ROBO2: variants seen among roughly 807,000 people sequenced by gnomAD.
ROBO2 encodes roundabout homolog 2.
In ROBO2, 53 loss-of-function variants were observed where a neutral mutation model predicts 160.8. The ratio of observed to expected loss-of-function variants is 0.33; its 90% CI spans 0.26 to 0.41. ROBO2 has a LOEUF of 0.41. Among genes scored for constraint, ROBO2 ranks in the 10% least tolerant of loss-of-function variants. The pLI, the probability that ROBO2 is intolerant of heterozygous loss-of-function variation, is 1.00. For missense variants in ROBO2, 1,577 were observed against 1,722.4 expected, an observed-to-expected ratio of 0.92 and a Z score of 1.49; for synonymous variants, 664 against 611.7, an observed-to-expected ratio of 1.09 and a Z score of -1.26.
At chr3:76,275,671 A>G in intron 2 of ROBO2, among the ~76,000 whole-genome samples, 1 of 152,174 alleles carries the variant, frequency 6.6e-6, no homozygotes, top group East Asian at 1.9e-4. Flanking sequence ...AGTACATACA[A>G]TTGAATGTTA....
chr3:77,406,593 T>C (rs928091466), intron 2 of ROBO2, among the ~76,000 whole-genome samples: 2 of 152,224 alleles, frequency 1.3e-5, no homozygotes, highest in Non-Finnish European at 2.9e-5. Context: ...TACTTATTAA[T>C]TGGATGCTAA....
chr3:77,126,713 T>TA (rs564861880), intron 2 of ROBO2, among the ~76,000 whole-genome samples: 1,587 of 138,508 alleles, frequency 0.011, 30 homozygotes, highest in African/African-American at 0.047. Flanking sequence ...TATATATATA[T>TA]TTTTTTTCCT....
chr3:76,319,272 A>G (rs1172605895), intron 2 of ROBO2, among the ~76,000 whole-genome samples: 5 of 152,112 alleles, frequency 3.3e-5, no homozygotes, highest in East Asian at 3.9e-4. Flanking sequence ...CTTAAAAATG[A>G]TATGCAGCTT....
At chr3:77,277,230 G>GTCTTTCTTTCTTTCTTTCTTTCTTTCTT (rs55905700) in intron 2 of ROBO2, among the ~76,000 whole-genome samples, 64 of 96,854 alleles carry the variant, frequency 6.6e-4, no homozygotes, top group African/African-American at 2.9e-3. Context: ...TTTCTTTCTT[G>GTCTTTCTTTCTTTCTTTCTTTCTTTCTT]TCTTTCTTTC....
chr3:77,375,062 A>T (rs1025817214), intron 2 of ROBO2, among the ~76,000 whole-genome samples: 23 of 152,114 alleles, frequency 1.5e-4, no homozygotes, highest in South Asian at 1.0e-3. Context: ...TTTTTGAAAA[A>T]TGAGCCAGGT....
At chr3:76,467,688 T>C (rs968530304) in intron 2 of ROBO2, among the ~76,000 whole-genome samples, 9 of 152,066 alleles carry the variant, frequency 5.9e-5, no homozygotes, top group African/African-American at 2.2e-4. Context: ...GCCTGAAGTA[T>C]ACTGGGCTTT....
chr3:76,063,737 C>T (rs2064890999), intron 2 of ROBO2, among the ~76,000 whole-genome samples: 1 of 152,136 alleles, frequency 6.6e-6, no homozygotes, highest in Admixed American at 6.6e-5. Flanking sequence ...ACTCAGCAGA[C>T]TTATGGCAGA....
intron 2 of ROBO2, among the ~76,000 whole-genome samples, chr3:77,354,136 C>T (rs971874511): frequency 6.6e-6 from 1 of 152,152 alleles, no homozygotes; most frequent in Non-Finnish European, 1.5e-5. Flanking sequence ...CATTTGGACA[C>T]CTTTTGAGAA....
At chr3:76,766,928 G>A (rs1307032013) in intron 2 of ROBO2, among the ~76,000 whole-genome samples, 1 of 151,456 alleles carries the variant, frequency 6.6e-6, no homozygotes. Flanking sequence ...GTTAGCTTAC[G>A]TGGGTTGAGA....
intron 2 of ROBO2, among the ~76,000 whole-genome samples, chr3:76,182,162 TTGAATTTCCTG>T (rs72171851): frequency 0.32 from 48,075 of 151,776 alleles, 8,528 homozygotes; most frequent in Non-Finnish European, 0.4. Flanking sequence ...AAGAAAGCAA[TTGAATTTCCTG>T]TGAACTCTCT....
chr3:76,958,674 A>G (rs532237390), intron 2 of ROBO2, among the ~76,000 whole-genome samples: 82 of 152,324 alleles, frequency 5.4e-4, no homozygotes, highest in African/African-American at 1.9e-3. Flanking sequence ...AATGATTTTT[A>G]AAGCTGTGTT....
intron 2 of ROBO2, among the ~76,000 whole-genome samples, chr3:76,310,452 G>C (rs901324369): frequency 6.6e-6 from 1 of 152,204 alleles, no homozygotes; most frequent in Non-Finnish European, 1.5e-5. Context: ...ATTGAACACA[G>C]AGGAGAGCTG....
intron 2 of ROBO2, among the ~76,000 whole-genome samples, chr3:77,298,407 G>A (rs991129057): frequency 1.2e-4 from 19 of 152,240 alleles, no homozygotes; most frequent in African/African-American, 4.3e-4. Flanking sequence ...TAACAAATGA[G>A]AAAATTGAAG....
intron 2 of ROBO2, among the ~76,000 whole-genome samples, chr3:76,552,936 C>A (rs1436038230): frequency 6.6e-6 from 1 of 152,090 alleles, no homozygotes; most frequent in African/African-American, 2.4e-5. Flanking sequence ...CAATAGGAGG[C>A]CATCAAAGGA....
chr3:76,876,103 G>A (rs2072685573), intron 2 of ROBO2, among the ~76,000 whole-genome samples: 1 of 152,124 alleles, frequency 6.6e-6, no homozygotes, highest in Non-Finnish European at 1.5e-5. Flanking sequence ...GGGGGATTAG[G>A]CTATGGACAT....
chr3:77,151,476 G>A (rs1025450452), intron 2 of ROBO2, among the ~76,000 whole-genome samples: 4 of 151,970 alleles, frequency 2.6e-5, no homozygotes, highest in African/African-American at 9.7e-5. Flanking sequence ...CTCTTTTCTG[G>A]AATTATCAAG....
rs535657503 is a variant in ROBO2 at position 77,090,439 on chromosome 3, C to A, written c.62-7575C>A. Reference sequence around the variant, plus strand: ...CGCGATCTCGGCTCATTGCAAGCTCCGTCTCCCGGGTTCACGCCATTCTCC... The same window carrying A: ...CGCGATCTCGGCTCATTGCAAGCTCAGTCTCCCGGGTTCACGCCATTCTCC... On this transcript the variant is annotated intron_variant, in intron 1 of 25. Transcript: ENST00000461745. Among the ~76,000 whole-genome samples, 147 of 143,640 alleles carry A rather than the reference C, an allele frequency of 1.0e-3. 1 individual carries two copies. Among genetic ancestry groups the A allele is most frequent in the African/African-American group, 3.5e-3 (136 of 38,334 alleles). 94.2% of individuals were successfully genotyped at this position (143,640 alleles called of 152,430 possible).
chr3:77,472,769 T>C (rs1241470447), intron 2 of ROBO2, among the ~76,000 whole-genome samples: 1 of 152,286 alleles, frequency 6.6e-6, no homozygotes, highest in African/African-American at 2.4e-5. Flanking sequence ...GTATATATTA[T>C]ATATTTACTG....
At chr3:75,913,249 G>C (rs1413603644) in intron 1 of ROBO2, among the ~76,000 whole-genome samples, 1 of 152,094 alleles carries the variant, frequency 6.6e-6, no homozygotes, top group Non-Finnish European at 1.5e-5. Flanking sequence ...GGACTCCTGT[G>C]ATTACTTTGG....
Sources: gnomAD v4.1 joint callset for allele counts (sites outside exome capture counted in the v4.1 genomes callset) on GRCh38, gnomAD v4.1.1 for gene constraint, MANE v1.5 for transcripts, NCBI Gene and HGNC (gene_info 2026-07-23, HGNC 2026-07-21) for gene names.